QSOX2: variants seen among roughly 807,000 people sequenced by gnomAD.
The protein encoded by QSOX2 is sulfhydryl oxidase 2.
QSOX2 carries 46 observed loss-of-function variants against 61.7 expected under a neutral mutation model. That is an observed-to-expected ratio of 0.75 (90% CI 0.59 to 0.95). The LOEUF is 0.95. Among genes scored for constraint, QSOX2 ranks in the 40% least tolerant of loss-of-function variants. The probability of loss-of-function intolerance (pLI) is 0.00; values close to 1 mark genes in which losing one functional copy is unlikely to be tolerated. For missense variants in QSOX2, 879 were observed against 918.9 expected, an observed-to-expected ratio of 0.96 and a Z score of 0.56; for synonymous variants, 383 against 388.4, an observed-to-expected ratio of 0.99 and a Z score of 0.16.
rs776440180 is a variant in QSOX2 at position 136,208,702 on chromosome 9, C to T, written c.*26G>A. 59 of 1,583,284 alleles carry T rather than the reference C, an allele frequency of 3.7e-5. No individual in the cohort carries two copies. The Admixed American group carries it at 4.3e-4, about 12-fold the overall frequency. ...GCAGGGCTGCCTCCAAGGGAGCTTCCGCCGTGGCTGGCAGCACCCGGGCAC... is the reference window on the plus strand; with the variant it reads ...GCAGGGCTGCCTCCAAGGGAGCTTCTGCCGTGGCTGGCAGCACCCGGGCAC... On this transcript the variant is annotated 3_prime_UTR_variant, in exon 12 of 12. Coordinates refer to ENST00000358701, the MANE Select transcript of QSOX2 (RefSeq NM_181701.4).
In QSOX2 at chr9:136,219,082, T is replaced by C. The variant is rs1256840306; in HGVS notation, c.904A>G (p.Lys302Glu). The change falls in exon 7 of 12, where the codon AAG (lysine) becomes GAG (glutamate). Residue 302 changes from lysine (K) to glutamate (E), a missense_variant. Lys to Glu is a moderately conservative substitution (Grantham distance 56). Transcript: ENST00000358701. The stretch of plus-strand genomic sequence containing the variant: ...TCTGAATTTTCTTCTTTGTGTGGCT[T>C]TTCAGGCAAGGGAAGCGATTTTTTC... ...VRKKSLPLPE[K>E]PHKEENSEIV... 2 of 1,614,128 alleles carry C rather than the reference T, an allele frequency of 1.2e-6. No homozygotes were observed. Among genetic ancestry groups the C allele is most frequent in the Admixed American group, 1.7e-5 (1 of 60,030 alleles).
chr9:136,222,654 G>A lies in QSOX2; in HGVS notation c.676-713C>T, dbSNP rs1002504330. ...TGGGGCCACACTGGTCTCTGCTCTGGGCCATGCCGTGACTCTGTGCTGAAG... is the reference window on the plus strand; with the variant it reads ...TGGGGCCACACTGGTCTCTGCTCTGAGCCATGCCGTGACTCTGTGCTGAAG... On this transcript the variant is annotated intron_variant, in intron 5 of 11. Coordinates refer to ENST00000358701, the MANE Select transcript of QSOX2 (RefSeq NM_181701.4). This position sits in a 1 kb window ranked among gnomAD's most constrained non-coding sequence, Gnocchi z 6.9. 1.3e-5 allele frequency among the ~76,000 whole-genome samples: 2 copies of A among 152,116 alleles called. No individual in the cohort carries two copies. Among genetic ancestry groups the A allele is most frequent in the African/African-American group, 4.8e-5 (2 of 41,390 alleles).
Position 136,209,064 on chromosome 9 carries a change from A to G in QSOX2, c.1761T>C (p.Gly587=). 1 of 1,613,764 alleles carries G rather than the reference A, an allele frequency of 6.2e-7. No homozygotes were observed. The highest frequency in any genetic ancestry group is 1.1e-5 in the South Asian group (1 of 91,060). The change falls in exon 12 of 12, where the codon GGT becomes GGC. Residue 587 remains glycine (G), a synonymous_variant. Coordinates refer to ENST00000358701, the MANE Select transcript of QSOX2 (RefSeq NM_181701.4). The surrounding 1 kb of genome is among the most constrained non-coding windows in gnomAD (Gnocchi z 5.6). ...GAGTGAGTCTTTTCTCCTCTTCCTC[A>G]CCCCTGGCCAGGGTTCCTCCTTCAC... ...DSSEGGTLAR[G]EEEEKRLTPP...
chr9:136,227,471 T>C (rs1193651043), intron 1 of QSOX2, among the ~76,000 whole-genome samples: 1 of 152,224 alleles, frequency 6.6e-6, no homozygotes, highest in African/African-American at 2.4e-5. Context: ...TTCCTATCTC[T>C]AAAGTTTTTG....
rs905276402 is a variant in QSOX2 at position 136,206,453 on chromosome 9, T to C, written c.*2275A>G. The C allele has an allele frequency of 6.6e-6, 1 of 152,642 alleles. No homozygotes were observed. Among genetic ancestry groups the C allele is most frequent in the Non-Finnish European group, 1.5e-5 (1 of 68,048 alleles). 9.5% of individuals were successfully genotyped at this position (152,642 alleles called of 1,614,324 possible). Reference sequence around the variant, plus strand: ...GACATTTCCATGTCAATTAGCTTCTTTTTAATAAAAATCCTTCCACTGAAA... The same window carrying C: ...GACATTTCCATGTCAATTAGCTTCTCTTTAATAAAAATCCTTCCACTGAAA... On this transcript the variant is annotated 3_prime_UTR_variant, in exon 12 of 12. Coordinates refer to ENST00000358701, the MANE Select transcript of QSOX2 (RefSeq NM_181701.4).
intron 10 of QSOX2, 57 bp downstream of exon 10, chr9:136,215,097 T>G (rs1171861494): frequency 1.9e-6 from 3 of 1,583,282 alleles, no homozygotes; most frequent in Non-Finnish European, 2.6e-6. Flanking sequence ...ACACACCGGC[T>G]GGGTTAACTT....
chr9:136,218,721 T>C lies in QSOX2; in HGVS notation c.1044A>G (p.Ala348=). 6.2e-7 allele frequency: 1 copy of C among 1,613,804 alleles called. No individual in the cohort carries two copies. The highest frequency in any genetic ancestry group is 8.5e-7 in the Non-Finnish European group (1 of 1,180,028). The stretch of plus-strand genomic sequence containing the variant: ...CAAAGTCCTTGAGCGTCTTCAGCTC[T>C]GCTCCGGCCAGGGACTTGTGGGCTG... ...ELAAHKSLAG[A]ELKTLKDFVT... is the part of the protein sequence containing the mutation. Residue 348 remains alanine, a synonymous_variant, in exon 8 of 12, where the codon GCA becomes GCG. Transcript: ENST00000358701.
chr9:136,226,518 C>T (rs1350475449), intron 2 of QSOX2, among the ~76,000 whole-genome samples: 3 of 152,194 alleles, frequency 2.0e-5, no homozygotes, highest in Non-Finnish European at 4.4e-5. Context: ...CACGCATCCC[C>T]TCCATGTGAC....
At chr9:136,216,198 T>C (rs1434650917) in intron 9 of QSOX2, among the ~76,000 whole-genome samples, 1 of 152,232 alleles carries the variant, frequency 6.6e-6, no homozygotes, top group African/African-American at 2.4e-5. Context: ...CTTGGGGTGC[T>C]GGTCCCCTGA....
chr9:136,216,901 G>A (rs1831920957), intron 8 of QSOX2, among the ~76,000 whole-genome samples, 179 bp from the exon 9 acceptor site: 1 of 152,228 alleles, frequency 6.6e-6, no homozygotes, highest in African/African-American at 2.4e-5. Context: ...GGGCCATGGG[G>A]TGGGCATCTA....
chr9:136,245,441 G>C, intron 1 of QSOX2, 35 bp downstream of exon 1: 1 of 1,552,552 alleles, frequency 6.4e-7, no homozygotes, highest in South Asian at 1.1e-5. Context: ...GCGGTCCCGG[G>C]GGTCGGGGGG....
chr9:136,231,391 T>C (rs1264191615), intron 1 of QSOX2, among the ~76,000 whole-genome samples: 2 of 152,234 alleles, frequency 1.3e-5, no homozygotes, highest in Non-Finnish European at 2.9e-5. Context: ...GAGGAATCAT[T>C]CCACCAACTC....
In QSOX2 at chr9:136,207,069, A is replaced by G. The variant is rs2131044565; in HGVS notation, c.*1659T>C. ...GGTTAAAAAGTGTGAAACCAGAAGC[A>G]ACTCTCGAGTGAGACACGAAGCAGC... is the stretch of plus-strand genomic sequence containing the variant. On this transcript the variant is annotated 3_prime_UTR_variant, in exon 12 of 12. Coordinates refer to ENST00000358701, the MANE Select transcript of QSOX2 (RefSeq NM_181701.4). The G allele has an allele frequency of 6.6e-6, 1 of 152,468 alleles. No individual in the cohort carries two copies. The highest frequency in any genetic ancestry group is 1.5e-5 in the Non-Finnish European group (1 of 68,052). The allele number at this position is 152,468 out of a possible 1,614,324, so 9.4% of individuals were successfully genotyped here.
intron 8 of QSOX2, among the ~76,000 whole-genome samples, chr9:136,217,199 C>T (rs929813403): frequency 1.3e-5 from 2 of 152,274 alleles, no homozygotes; most frequent in Non-Finnish European, 2.9e-5. Flanking sequence ...GGCTAACTGC[C>T]TATGGGCTTG....
At position 136,211,398 on chromosome 9, in the gene QSOX2, G is replaced by C; in HGVS notation, c.1415C>G (p.Thr472Ser). ...VLQTMRRYVHTFFGCKECGEH... is the reference protein window; with the variant it reads ...VLQTMRRYVHSFFGCKECGEH... ...ACCACATTCCTTACACCCAAAGAAG[G>C]TGTGAACGTACCTCCTCATTGTCTG... is the stretch of plus-strand genomic sequence containing the variant. The change falls in exon 11 of 12, where the codon ACC becomes AGC. Residue 472 changes from threonine to serine, a missense_variant. Coordinates refer to ENST00000358701, the MANE Select transcript of QSOX2 (RefSeq NM_181701.4). 3 of 1,614,180 alleles carry C rather than the reference G, an allele frequency of 1.9e-6. No homozygotes were observed. The highest frequency in any genetic ancestry group is 2.5e-6 in the Non-Finnish European group (3 of 1,180,040).
At chr9:136,242,510 G>C (rs945401971) in intron 1 of QSOX2, among the ~76,000 whole-genome samples, 1 of 152,260 alleles carries the variant, frequency 6.6e-6, no homozygotes, top group African/African-American at 2.4e-5. Context: ...GATTGATCAG[G>C]GCCACAGGTG....
At chr9:136,213,508 T>C (rs550339354) in intron 10 of QSOX2, among the ~76,000 whole-genome samples, 209 of 151,960 alleles carry the variant, frequency 1.4e-3, no homozygotes, top group Non-Finnish European at 1.8e-3. Context: ...CCCAAAAACA[T>C]ACTACTCTTT....
intron 1 of QSOX2, among the ~76,000 whole-genome samples, chr9:136,234,584 C>T (rs1830361404): frequency 6.6e-6 from 1 of 152,182 alleles, no homozygotes; most frequent in Non-Finnish European, 1.5e-5. Flanking sequence ...GTTCACACAG[C>T]CCCTTCAGAG....
At chr9:136,237,568 G>GGC (rs1564298097) in intron 1 of QSOX2, among the ~76,000 whole-genome samples, 33 of 50,682 alleles carry the variant, frequency 6.5e-4, no homozygotes, top group African/African-American at 2.0e-3. Context: ...CCGTCCTGTG[G>GGC]CGGCGTCACC....
Sources: gnomAD v4.1 joint callset for allele counts (sites outside exome capture counted in the v4.1 genomes callset) on GRCh38, gnomAD v4.1.1 for gene constraint, Gnocchi (gnomAD v3.1) non-coding constraint, MANE v1.5 for transcripts, NCBI Gene and HGNC (gene_info 2026-07-23, HGNC 2026-07-21) for gene names.